CSMD2: variants seen among roughly 807,000 people sequenced by gnomAD.
CSMD2 encodes CUB and sushi domain-containing protein 2.
CSMD2 carries 130 observed loss-of-function variants against 398.5 expected under a neutral mutation model. That is an observed-to-expected ratio of 0.33 (90% CI 0.28 to 0.38). The LOEUF (loss-of-function observed/expected upper bound fraction) is 0.38, where lower values mean the gene tolerates loss of function less well. Among genes scored for constraint, CSMD2 ranks in the 10% least tolerant of loss-of-function variants. The pLI, the probability that CSMD2 is intolerant of heterozygous loss-of-function variation, is 1.00. For missense variants in CSMD2, 3,829 were observed against 4,764.9 expected, an observed-to-expected ratio of 0.80 and a Z score of 5.78; for synonymous variants, 1,828 against 1,908.5, an observed-to-expected ratio of 0.96 and a Z score of 1.10.
chr1:34,083,112 G>C (rs926647073), intron 2 of CSMD2, among the ~76,000 whole-genome samples: 2 of 151,456 alleles, frequency 1.3e-5, no homozygotes. Context: ...CAAGGAAGCA[G>C]AGATAGAAAA....
chr1:33,947,043 G>C (rs1476304349), intron 3 of CSMD2, among the ~76,000 whole-genome samples: 1 of 152,184 alleles, frequency 6.6e-6, no homozygotes, highest in Non-Finnish European at 1.5e-5. Context: ...CCACATCCCT[G>C]TCCAGCTGCA....
intron 5 of CSMD2, among the ~76,000 whole-genome samples, chr1:33,866,288 C>T (rs1181972656): frequency 1.3e-5 from 2 of 152,150 alleles, no homozygotes; most frequent in East Asian, 3.8e-4. Flanking sequence ...TAAGTTCCCG[C>T]CCTATAAAAA....
intron 5 of CSMD2, chr1:33,878,336 C>G (rs1325525272): frequency 6.6e-6 from 1 of 152,256 alleles, no homozygotes; most frequent in Non-Finnish European, 1.5e-5. Flanking sequence ...CTGACGGGGA[C>G]AGACAGCATC....
chr1:33,788,222 C>T (rs1391554230), intron 12 of CSMD2, among the ~76,000 whole-genome samples: 1 of 151,922 alleles, frequency 6.6e-6, no homozygotes, highest in Non-Finnish European at 1.5e-5. Flanking sequence ...AACCAGGATC[C>T]CGTGGCCGGG....
chr1:33,608,827 C>G (rs1405680537), intron 41 of CSMD2, among the ~76,000 whole-genome samples: 2 of 152,158 alleles, frequency 1.3e-5, no homozygotes, highest in Non-Finnish European at 2.9e-5. Context: ...CATCCAGCCC[C>G]AGAGCCATTG....
chr1:33,668,153 A>G (rs1004919358), intron 25 of CSMD2, among the ~76,000 whole-genome samples: 1 of 152,176 alleles, frequency 6.6e-6, no homozygotes, highest in Non-Finnish European at 1.5e-5. Context: ...GAGCATGTGC[A>G]AAGGTCACAA....
rs896136841 is a variant in CSMD2 at position 33,611,268 on chromosome 1, G to A, written c.6134-18C>T. On this transcript the variant is annotated intron_variant, in intron 40 of 70. Transcript: ENST00000373381. Reference sequence around the variant, plus strand: ...GTGAGCTCCTGGGAGCAAGACAGAGGCAGACAGTGCCCAAAGCAACACAGT... The same window carrying A: ...GTGAGCTCCTGGGAGCAAGACAGAGACAGACAGTGCCCAAAGCAACACAGT... The A allele has an allele frequency of 1.2e-6, 2 of 1,605,458 alleles. No individual in the cohort carries two copies. Among genetic ancestry groups the A allele is most frequent in the Middle Eastern group, 1.7e-4 (1 of 5,764 alleles).
At chr1:33,790,432 A>G (rs573079667) in intron 11 of CSMD2, among the ~76,000 whole-genome samples, 17 of 152,286 alleles carry the variant, frequency 1.1e-4, no homozygotes, top group South Asian at 8.3e-4. Context: ...CTCCTGTCCA[A>G]TTGGCTTTAA....
At chr1:33,644,827 T>C (rs1271988411) in intron 29 of CSMD2, among the ~76,000 whole-genome samples, 1 of 152,050 alleles carries the variant, frequency 6.6e-6, no homozygotes, top group Admixed American at 6.6e-5. Context: ...GGAAGAGGGT[T>C]TGGGCCCAGG....
chr1:33,543,120 AGAT>A (rs2148602891), intron 57 of CSMD2, among the ~76,000 whole-genome samples: 1 of 152,366 alleles, frequency 6.6e-6, no homozygotes, highest in South Asian at 2.1e-4. Flanking sequence ...TACAGAAAAA[AGAT>A]GATCTATTCT....
At chr1:33,543,580 C>T (rs959430828) in intron 57 of CSMD2, among the ~76,000 whole-genome samples, 5 of 152,202 alleles carry the variant, frequency 3.3e-5, no homozygotes, top group Non-Finnish European at 5.9e-5. Flanking sequence ...TCAGTGATTT[C>T]GGGCATGCCT....
chr1:33,841,676 G>A (rs911148747), intron 6 of CSMD2, among the ~76,000 whole-genome samples: 4 of 151,818 alleles, frequency 2.6e-5, no homozygotes, highest in Admixed American at 2.6e-4. Context: ...AAAGTCTTGT[G>A]GTTGCCAAAC....
chr1:33,798,908 C>A (rs1041166177), intron 10 of CSMD2, among the ~76,000 whole-genome samples: 16 of 152,184 alleles, frequency 1.1e-4, no homozygotes. Context: ...AAAGCCTGCA[C>A]AAGCCTGCAG....
chr1:33,575,414 G>T (rs1659978735), intron 49 of CSMD2, among the ~76,000 whole-genome samples: 1 of 152,196 alleles, frequency 6.6e-6, no homozygotes, highest in Admixed American at 6.5e-5. Context: ...CGTGCTCTCA[G>T]AGGACAGCCA....
At chr1:33,543,029 T>G (rs1656511288) in intron 57 of CSMD2, 133 bp from the exon 58 acceptor site, 5 of 651,516 alleles carry the variant, frequency 7.7e-6, no homozygotes, top group Non-Finnish European at 1.3e-5. Flanking sequence ...ATGCTGCTTT[T>G]GTATCGAATT....
intron 2 of CSMD2, among the ~76,000 whole-genome samples, chr1:34,054,784 T>C (rs986792796): frequency 6.6e-6 from 1 of 152,038 alleles, no homozygotes; most frequent in African/African-American, 2.4e-5. Flanking sequence ...CAAACATTAT[T>C]GGAGCTGGTG....
At chr1:34,025,107 C>G (rs1649459666) in intron 3 of CSMD2, among the ~76,000 whole-genome samples, 1 of 152,176 alleles carries the variant, frequency 6.6e-6, no homozygotes, top group African/African-American at 2.4e-5. Context: ...TTGCTCCTAA[C>G]CTGCGTCTCC....
At chr1:33,606,059 T>G in intron 41 of CSMD2, 1 of 1,541,072 alleles carries the variant, frequency 6.5e-7, no homozygotes, top group Non-Finnish European at 8.7e-7. Flanking sequence ...ACAAAGCAAG[T>G]CCCTCCAAAG....
At chr1:34,023,430 G>A (rs998758050) in intron 3 of CSMD2, among the ~76,000 whole-genome samples, 1 of 152,190 alleles carries the variant, frequency 6.6e-6, no homozygotes, top group African/African-American at 2.4e-5. Flanking sequence ...CCACTTTTGT[G>A]TTGTACAAAA....
Sources: allele counts gnomAD v4.1 joint callset (sites outside exome capture counted in the v4.1 genomes callset), GRCh38; gene constraint gnomAD v4.1.1; transcripts MANE v1.5; gene names NCBI Gene and HGNC (gene_info 2026-07-23, HGNC 2026-07-21).